RBM33: variants seen among roughly 807,000 people sequenced by gnomAD.
RBM33 encodes the protein RNA-binding protein 33.
Under a neutral mutation model 132.6 loss-of-function variants are expected in RBM33, and 28 were observed. That is an observed-to-expected ratio of 0.21 (90% CI 0.16 to 0.29). The LOEUF (loss-of-function observed/expected upper bound fraction) is 0.29, where lower values mean the gene tolerates loss of function less well. RBM33 is among the 10% of genes least tolerant of loss of function. RBM33 has a pLI of 1.00. For missense variants in RBM33, 1,291 were observed against 1,518.5 expected, an observed-to-expected ratio of 0.85 and a Z score of 2.49; for synonymous variants, 634 against 593.0, an observed-to-expected ratio of 1.07 and a Z score of -1.01.
chr7:155,706,282 G>C (rs972325032), intron 6 of RBM33, among the ~76,000 whole-genome samples: 1 of 152,140 alleles, frequency 6.6e-6, no homozygotes, highest in Non-Finnish European at 1.5e-5. Context: ...GCCTGAACTC[G>C]GGAGTTCGGG....
intron 9 of RBM33, among the ~76,000 whole-genome samples, chr7:155,730,201 A>C (rs995141580): frequency 6.6e-6 from 1 of 152,200 alleles, no homozygotes; most frequent in Non-Finnish European, 1.5e-5. Flanking sequence ...GGCAGAGAGA[A>C]GTGGAAGTGG....
intron 14 of RBM33, among the ~76,000 whole-genome samples, chr7:155,762,897 A>G (rs916800662): frequency 6.6e-6 from 1 of 152,216 alleles, no homozygotes; most frequent in East Asian, 1.9e-4. Flanking sequence ...ATCCTGACAT[A>G]ATTCATCAGG....
intron 14 of RBM33, among the ~76,000 whole-genome samples, chr7:155,756,196 C>G (rs946691285): frequency 6.6e-6 from 1 of 152,184 alleles, no homozygotes; most frequent in African/African-American, 2.4e-5. Context: ...TAACAGCCTT[C>G]TAAAATTCAA....
At chr7:155,659,619 A>G (rs1253482256) in intron 1 of RBM33, among the ~76,000 whole-genome samples, 1 of 152,236 alleles carries the variant, frequency 6.6e-6, no homozygotes, top group Admixed American at 6.5e-5. Flanking sequence ...GTGTACTTAT[A>G]TACACATAGG....
At chr7:155,746,870 T>G (rs188734801) in intron 14 of RBM33, among the ~76,000 whole-genome samples, 2 of 152,304 alleles carry the variant, frequency 1.3e-5, no homozygotes, top group Admixed American at 1.3e-4. Context: ...AAAAAATGTA[T>G]ACAGTAAAAA....
chr7:155,695,595 G>A (rs1697325913), intron 5 of RBM33, among the ~76,000 whole-genome samples: 1 of 152,022 alleles, frequency 6.6e-6, no homozygotes, highest in African/African-American at 2.4e-5. Context: ...GAGTAGCTGG[G>A]ATTACAGGCA....
chr7:155,644,954 C>A, intron 1 of RBM33, 35 bp downstream of exon 1: 2 of 1,461,910 alleles, frequency 1.4e-6, no homozygotes, highest in Non-Finnish European at 9.0e-7. Flanking sequence ...GGGCCAGGAC[C>A]GCGCCGCGGT....
At position 155,740,024 on chromosome 7, in the gene RBM33, C is replaced by A; in HGVS notation, c.2047C>A (p.His683Asn). 6.5e-7 allele frequency: 1 copy of A among 1,539,698 alleles called. No individual in the cohort carries two copies. Among genetic ancestry groups the A allele is most frequent in the Admixed American group, 1.9e-5 (1 of 52,340 alleles). Reference sequence around the variant, plus strand: ...GTGCCCCCAGCGCCAGGGGCTCCGGCATGTAAGTGTCAAGGGGTGTCTTCC... The same window carrying A: ...GTGCCCCCAGCGCCAGGGGCTCCGGAATGTAAGTGTCAAGGGGTGTCTTCC... The part of the protein sequence containing the change: ...MQCPQRQGLR[H>N]NTTSQNVSKR... Residue 683 changes from histidine to asparagine, a missense_variant and splice_region_variant, in exon 12 of 18, where the codon CAT becomes AAT. By Grantham distance (68) the His-to-Asn change is moderately conservative. Around this residue, in one of 7 missense-constraint regions of RBM33, gnomAD observed 841 missense variants for 912.0 expected, o/e 0.92. Coordinates refer to ENST00000401878, the MANE Select transcript of RBM33 (RefSeq NM_053043.3).
chr7:155,659,471 G>A (rs770717891), intron 1 of RBM33, among the ~76,000 whole-genome samples: 1 of 151,964 alleles, frequency 6.6e-6, no homozygotes. Context: ...CTCTTTAGAG[G>A]GGATCAGTAG....
chr7:155,644,965 G>A (rs901596863), intron 1 of RBM33, 46 bp downstream of exon 1: 26 of 1,433,538 alleles, frequency 1.8e-5, no homozygotes, highest in Non-Finnish European at 2.4e-5. Flanking sequence ...GCGCCGCGGT[G>A]GGCGGGGGTG....
In RBM33 at chr7:155,775,152, TCCTGCGTAACTGTTCTCCAGAGCGCCAG is replaced by T. The variant is rs1802563262; in HGVS notation, c.*114_*141del. 4 of 965,808 alleles carry T rather than the reference TCCTGCGTAACTGTTCTCCAGAGCGCCAG, an allele frequency of 4.1e-6. No homozygotes were observed. The highest frequency in any genetic ancestry group is 1.9e-5 in the Admixed American group (1 of 53,968). 59.8% of individuals were successfully genotyped at this position (965,808 alleles called of 1,614,324 possible). ...GAGCACAGGTCTCTCCGGGCCGCTG[TCCTGCGTAACTGTTCTCCAGAGCGCCAG>T]CCAGCCACGGGCCTGATTCCAGAGG... is the stretch of plus-strand genomic sequence containing the variant. On this transcript the variant is annotated 3_prime_UTR_variant, in exon 18 of 18. Coordinates refer to ENST00000401878, the MANE Select transcript of RBM33 (RefSeq NM_053043.3).
rs1228649367 is a variant in RBM33 at position 155,711,250 on chromosome 7, C to G, written c.996C>G (p.Ile332Met). The G allele has an allele frequency of 2.5e-6, 4 of 1,600,166 alleles. No individual in the cohort carries two copies. Among genetic ancestry groups the G allele is most frequent in the Non-Finnish European group, 3.4e-6 (4 of 1,173,876 alleles). Reference protein sequence around the residue: ...PPPPPPQQQPIRSLFQPQPLQ... With the variant: ...PPPPPPQQQPMRSLFQPQPLQ... ...CACCGCCGCCTCAGCAGCAGCCGAT[C>G]AGAAGCCTGTTCCAGCCGCAGCCGC... The change falls in exon 8 of 18, where the codon ATC (isoleucine) becomes ATG (methionine). Residue 332 changes from isoleucine to methionine, a missense_variant. Coordinates refer to ENST00000401878, the MANE Select transcript of RBM33 (RefSeq NM_053043.3).
intron 14 of RBM33, among the ~76,000 whole-genome samples, chr7:155,757,575 G>A (rs1342294969): frequency 1.3e-5 from 2 of 152,122 alleles, no homozygotes; most frequent in Non-Finnish European, 2.9e-5. Context: ...TGGTTTTGGA[G>A]CCACAAAGAT....
At chr7:155,768,679 C>T (rs989448420) in intron 16 of RBM33, among the ~76,000 whole-genome samples, 24 of 152,202 alleles carry the variant, frequency 1.6e-4, no homozygotes, top group African/African-American at 4.3e-4. Context: ...TGCAGTGGTG[C>T]GATCTGGGCT....
intron 13 of RBM33, among the ~76,000 whole-genome samples, chr7:155,742,464 A>C (rs1801380886): frequency 6.6e-6 from 1 of 152,208 alleles, no homozygotes; most frequent in Non-Finnish European, 1.5e-5. Context: ...CACAAAGGCA[A>C]TTTAAATATA....
chr7:155,689,295 A>G (rs1175498330), intron 5 of RBM33, among the ~76,000 whole-genome samples: 1 of 152,098 alleles, frequency 6.6e-6, no homozygotes, highest in Admixed American at 6.5e-5. Flanking sequence ...GGTAGTTTGT[A>G]TTTCTGTGGG....
intron 9 of RBM33, among the ~76,000 whole-genome samples, chr7:155,731,360 G>C (rs1374575531): frequency 6.6e-6 from 1 of 152,146 alleles, no homozygotes; most frequent in African/African-American, 2.4e-5. Flanking sequence ...TATATACCTA[G>C]GATAAAGTTT....
chr7:155,745,606 A>G lies in RBM33; in HGVS notation c.2979+4A>G. 2.6e-6 allele frequency: 4 copies of G among 1,565,396 alleles called. No homozygotes were observed. The stretch of plus-strand genomic sequence containing the variant: ...GGTGATTAAGCTGTCAGGTGGGGTA[A>G]GTTGACAAGTTTTATGAGAGCCTCT... On this transcript the variant is annotated splice_donor_region_variant and intron_variant, in intron 14 of 17. Coordinates refer to ENST00000401878, the MANE Select transcript of RBM33 (RefSeq NM_053043.3). This position sits in a 1 kb window ranked among gnomAD's most constrained non-coding sequence, Gnocchi z 4.1.
chr7:155,749,642 G>A (rs944040151), intron 14 of RBM33, among the ~76,000 whole-genome samples: 6 of 152,368 alleles, frequency 3.9e-5, no homozygotes, highest in Non-Finnish European at 8.8e-5. Flanking sequence ...TTGGTTGCCA[G>A]TGCAACAGAC....
Sources: gnomAD v4.1 joint callset for allele counts (sites outside exome capture counted in the v4.1 genomes callset) on GRCh38, gnomAD v4.1.1 for gene constraint, gnomAD v4.1.1 regional missense constraint, Gnocchi (gnomAD v3.1) non-coding constraint, MANE v1.5 for transcripts, NCBI Gene and HGNC (gene_info 2026-07-23, HGNC 2026-07-21) for gene names.